TRAPPC6B: variants seen among roughly 807,000 people sequenced by gnomAD.
The protein encoded by TRAPPC6B is TRAPP complex subunit 6B.
A neutral mutation model predicts 24.7 loss-of-function variants in TRAPPC6B; 27 were observed. The ratio of observed to expected loss-of-function variants is 1.09; its 90% CI spans 0.81 to 1.51. The LOEUF is 1.51. TRAPPC6B is among the 40% of genes most tolerant of loss of function. The pLI, the probability that TRAPPC6B is intolerant of heterozygous loss-of-function variation, is 0.00. For synonymous variants in TRAPPC6B, 80 were observed against 66.6 expected (o/e 1.20, Z -0.98); for missense variants, 212 against 190.8 (o/e 1.11, Z -0.66).
chr14:39,148,874 C>T lies in TRAPPC6B; in HGVS notation c.*1476G>A. ...CCTAGATGGTATGATCTACTATACA[C>T]CTAAGCTATGGCCTATTGCTCCTAG... On this transcript the variant is annotated 3_prime_UTR_variant, in exon 6 of 6. Transcript: ENST00000330149. 5.0e-6 allele frequency: 2 copies of T among 397,164 alleles called. No individual in the cohort carries two copies. Among genetic ancestry groups the T allele is most frequent in the Non-Finnish European group, 8.9e-6 (2 of 225,524 alleles). The allele number at this position is 397,164 out of a possible 1,614,324, so 24.6% of individuals were successfully genotyped here. A position where few individuals can be genotyped will look rare whatever the true frequency, so the allele number is the denominator to read the frequency against.
At chr14:39,157,646 A>G (rs1396006634) in intron 3 of TRAPPC6B, 5 of 346,466 alleles carry the variant, frequency 1.4e-5, no homozygotes, top group South Asian at 7.3e-5. Context: ...CTAATCCACA[A>G]GAAGACCCGC....
chr14:39,154,060 T>C (rs2052947313), intron 4 of TRAPPC6B, 151 bp downstream of exon 4: 2 of 563,420 alleles, frequency 3.5e-6, no homozygotes, highest in East Asian at 2.9e-5. Context: ...AGTGTTATTG[T>C]AACATGTCTC....
rs182420843 is a variant in TRAPPC6B, at chr14:39,169,820, G to C, written c.81+195C>G. ...GAATCAAATAGAAGAAGATACGAAAGAGAAAACGATGAAAGATGACGGTTC... is the reference window on the plus strand; with the variant it reads ...GAATCAAATAGAAGAAGATACGAAACAGAAAACGATGAAAGATGACGGTTC... On this transcript the variant is annotated intron_variant, in intron 1 of 5. Coordinates refer to ENST00000330149, the MANE Select transcript of TRAPPC6B (RefSeq NM_001079537.2). 6.4e-3 allele frequency among the ~76,000 whole-genome samples: 980 copies of C among 152,298 alleles called. 8 individuals carry two copies. Among genetic ancestry groups the C allele is most frequent in the Non-Finnish European group, 0.01 (689 of 68,024 alleles).
At chr14:39,154,315 A>T in intron 3 of TRAPPC6B, 21 bp from the exon 4 acceptor site, 2 of 1,530,244 alleles carry the variant, frequency 1.3e-6, no homozygotes, top group Non-Finnish European at 1.8e-6. Context: ...AATAGAAAAA[A>T]AATCCAAAGT....
At chr14:39,151,090 G>A (rs2052906372) in intron 5 of TRAPPC6B, among the ~76,000 whole-genome samples, 1 of 151,824 alleles carries the variant, frequency 6.6e-6, no homozygotes, top group Non-Finnish European at 1.5e-5. Context: ...CTAAACAATT[G>A]TTTAAAAATA....
chr14:39,163,377 A>G (rs1485954596), intron 1 of TRAPPC6B, among the ~76,000 whole-genome samples: 1 of 149,610 alleles, frequency 6.7e-6, no homozygotes, highest in African/African-American at 2.5e-5. Flanking sequence ...TCACCAGAAA[A>G]AAAAAAAAAA....
chr14:39,148,735 TG>T lies in TRAPPC6B; in HGVS notation c.*1614del. The T allele has an allele frequency of 2.5e-6, 1 of 398,408 alleles. No individual in the cohort carries two copies. The highest frequency in any genetic ancestry group is 4.4e-6 in the Non-Finnish European group (1 of 225,962). 24.7% of individuals were successfully genotyped at this position (398,408 alleles called of 1,614,324 possible). ...AAATTAAAATTTTTTCCCCAAAACA[TG>T]TGAGAATTAGGATTGCAGTCATGCA... On this transcript the variant is annotated 3_prime_UTR_variant, in exon 6 of 6. Transcript: ENST00000330149.
At chr14:39,158,873 C>A (rs1405002397) in intron 2 of TRAPPC6B, 2 of 152,898 alleles carry the variant, frequency 1.3e-5, no homozygotes, top group African/African-American at 2.4e-5. Flanking sequence ...ATGATCCTAT[C>A]TCAATGGATT....
intron 1 of TRAPPC6B, among the ~76,000 whole-genome samples, chr14:39,159,914 C>T (rs1390214727): frequency 1.3e-5 from 2 of 152,096 alleles, no homozygotes; most frequent in Non-Finnish European, 1.5e-5. Flanking sequence ...CCTCCATCTA[C>T]AGGGTTCAAG....
chr14:39,165,077 G>A (rs931578369), intron 1 of TRAPPC6B, among the ~76,000 whole-genome samples: 30 of 145,204 alleles, frequency 2.1e-4, no homozygotes, highest in Admixed American at 1.3e-3. Context: ...ACGGAGTCTC[G>A]CTCAGTTGCC....
chr14:39,151,691 A>T (rs934231589), intron 5 of TRAPPC6B, 55 bp downstream of exon 5: 120 of 1,315,506 alleles, frequency 9.1e-5, no homozygotes, highest in Non-Finnish European at 1.1e-5. Context: ...AAAAAAAAAA[A>T]CAGACCTGAA....
Position 39,155,571 on chromosome 14 carries a change from C to A in TRAPPC6B, c.268-1277G>T, listed in dbSNP as rs569847732. Among the ~76,000 whole-genome samples the A allele has an allele frequency of 2.1e-5, 3 of 145,960 alleles. No individual in the cohort carries two copies. In the South Asian group the frequency reaches 6.6e-4, roughly 32 times the overall value. On this transcript the variant is annotated intron_variant, in intron 3 of 5. Transcript: ENST00000330149. ...TGTTTATTTGAGACAGAGTCTTGCT[C>A]TGTCGCCCAGGCTGGAGTGCAGTGG...
chr14:39,160,697 A>T (rs1010322446), intron 1 of TRAPPC6B, among the ~76,000 whole-genome samples: 1 of 152,100 alleles, frequency 6.6e-6, no homozygotes, highest in African/African-American at 2.4e-5. Context: ...GAAAGAAAAT[A>T]ATTTCACTAT....
intron 1 of TRAPPC6B, among the ~76,000 whole-genome samples, chr14:39,168,566 A>G (rs970715345): frequency 1.1e-4 from 16 of 152,168 alleles, no homozygotes; most frequent in Non-Finnish European, 5.9e-5. Context: ...AGGCACCTCA[A>G]AAGTTCAACC....
chr14:39,161,686 C>T (rs1291861705), intron 1 of TRAPPC6B, among the ~76,000 whole-genome samples: 2 of 152,166 alleles, frequency 1.3e-5, no homozygotes, highest in Non-Finnish European at 2.9e-5. Context: ...GTAGATGGCA[C>T]ACAAATTAGC....
intron 1 of TRAPPC6B, among the ~76,000 whole-genome samples, chr14:39,160,350 GGAGGATCACTT>G (rs2053040955): frequency 6.6e-6 from 1 of 152,124 alleles, no homozygotes; most frequent in Non-Finnish European, 1.5e-5. Flanking sequence ...GGCCAAAGCA[GGAGGATCACTT>G]GAGCTCAATG....
intron 1 of TRAPPC6B, among the ~76,000 whole-genome samples, chr14:39,167,324 C>G (rs545026473): frequency 6.6e-6 from 1 of 152,154 alleles, no homozygotes; most frequent in Admixed American, 6.5e-5. Context: ...TTTCTTTTAT[C>G]TCACCTCAAG....
chr14:39,151,199 G>A (rs1226646493), intron 5 of TRAPPC6B, among the ~76,000 whole-genome samples: 1 of 151,900 alleles, frequency 6.6e-6, no homozygotes, highest in Non-Finnish European at 1.5e-5. Context: ...AGACCATCCT[G>A]GCTAACACGG....
At chr14:39,160,395 T>C (rs531681887) in intron 1 of TRAPPC6B, among the ~76,000 whole-genome samples, 23 of 151,934 alleles carry the variant, frequency 1.5e-4, no homozygotes, top group African/African-American at 4.6e-4. Flanking sequence ...CTGGGCAACA[T>C]AGCAAGACCA....
Sources: allele counts gnomAD v4.1 joint callset (sites outside exome capture counted in the v4.1 genomes callset), GRCh38; gene constraint gnomAD v4.1.1; transcripts MANE v1.5; gene names NCBI Gene and HGNC (gene_info 2026-07-23, HGNC 2026-07-21).